The following WSCD1 variants were observed in gnomAD, a reference collection of about 807,000 sequenced individuals.
WSCD1 encodes the protein WSC domain sialate O sulfotransferase 1, also known as sialate:O-sulfotransferase 1.
WSCD1 carries 41 observed loss-of-function variants against 60.4 expected under a neutral mutation model. The observed-to-expected ratio is 0.68, with a 90% CI of 0.53 to 0.88. The LOEUF (loss-of-function observed/expected upper bound fraction) is 0.88. WSCD1 is among the 40% of genes least tolerant of loss of function. The pLI is 0.00. For missense variants in WSCD1, 784 were observed against 796.2 expected (o/e 0.98, Z 0.18); for synonymous variants, 361 against 332.5 (o/e 1.09, Z -0.93).
At position 6,118,607 on chromosome 17, in the gene WSCD1, A is replaced by T. The variant is rs151280906; in HGVS notation, c.1375+419A>T. On this transcript the variant is annotated intron_variant, in intron 8 of 8. Coordinates refer to ENST00000317744, the MANE Select transcript of WSCD1 (RefSeq NM_015253.2). The surrounding 1 kb of genome is among the most constrained non-coding windows in gnomAD (Gnocchi z 5.8). ...GTTCAGCACCAGGTTCCTCTTTTAT[A>T]GAATGAGACCTGCACCTTGTGGGGC... 2.2e-3 allele frequency among the ~76,000 whole-genome samples: 341 copies of T among 152,310 alleles called. 1 individual carries two copies. Among genetic ancestry groups the T allele is most frequent in the African/African-American group, 7.2e-3 (299 of 41,562 alleles).
In WSCD1 at chr17:6,081,042, C is replaced by T. The variant is rs571657073; in HGVS notation, c.384C>T (p.Pro128=). The change falls in exon 2 of 9, where the codon CCC becomes CCT. Residue 128 remains proline, a synonymous_variant. Coordinates refer to ENST00000317744, the MANE Select transcript of WSCD1 (RefSeq NM_015253.2). ...TCATGAGTGACTCCCAGGGACCGCC[C>T]GCCCTGGGCCCCGAGGCTGCCAGGC... ...HHFMSDSQGP[P]ALGPEAARPA... 1.5e-4 allele frequency: 230 copies of T among 1,541,460 alleles called. No individual in the cohort carries two copies. Among genetic ancestry groups the T allele is most frequent in the Middle Eastern group, 6.7e-4 (4 of 5,982 alleles).
In WSCD1 at chr17:6,116,639, A is replaced by T. The variant is rs934359147; in HGVS notation, c.1175-1349A>T. Reference sequence around the variant, plus strand: ...CATTTTCCAGCTGTTTGACAGAATGAATCAAAGCGAGGCCTTTTGGTATTT... The same window carrying T: ...CATTTTCCAGCTGTTTGACAGAATGTATCAAAGCGAGGCCTTTTGGTATTT... On this transcript the variant is annotated intron_variant, in intron 7 of 8. Transcript: ENST00000317744. 3.3e-5 allele frequency among the ~76,000 whole-genome samples: 5 copies of T among 152,252 alleles called. No homozygotes were observed. In the South Asian group the frequency reaches 8.3e-4, roughly 25 times the overall value.
intron 3 of WSCD1, among the ~76,000 whole-genome samples, chr17:6,088,875 T>C (rs1397877507): frequency 6.6e-6 from 1 of 151,324 alleles, no homozygotes; most frequent in Non-Finnish European, 1.5e-5. Flanking sequence ...CTCCACCTCC[T>C]GGGTTCACGC....
chr17:6,120,450 C>T lies in WSCD1; in HGVS notation c.1517C>T (p.Ala506Val), dbSNP rs1394803683. ...GTGCCCACGTTACGGGAGATGGTGG[C>T]CTTCCTCAACGTGTCTGTGAGCGAG... ...SLVPTLREMV[A>V]FLNVSVSEER... Residue 506 changes from alanine to valine, a missense_variant, in exon 9 of 9, where the codon GCC becomes GTC. By Grantham distance (64) the Ala-to-Val change is moderately conservative. Coordinates refer to ENST00000317744, the MANE Select transcript of WSCD1 (RefSeq NM_015253.2). 4 of 1,613,934 alleles carry T rather than the reference C, an allele frequency of 2.5e-6. No homozygotes were observed. Among genetic ancestry groups the T allele is most frequent in the Non-Finnish European group, 3.4e-6 (4 of 1,179,986 alleles).
intron 4 of WSCD1, 24 bp downstream of exon 4, chr17:6,090,529 A>T: frequency 6.2e-7 from 1 of 1,609,686 alleles, no homozygotes; most frequent in Non-Finnish European, 8.5e-7. Context: ...CCTCTTCCTG[A>T]GCTTTGTCCG....
intron 2 of WSCD1, among the ~76,000 whole-genome samples, chr17:6,086,099 G>T (rs1909619880): frequency 6.6e-6 from 1 of 151,724 alleles, no homozygotes; most frequent in Non-Finnish European, 1.5e-5. Flanking sequence ...CAGCCCTGGG[G>T]TTCTGTGGTC....
At chr17:6,120,024 G>A (rs1416166771) in intron 8 of WSCD1, among the ~76,000 whole-genome samples, 1 of 152,182 alleles carries the variant, frequency 6.6e-6, no homozygotes, top group Non-Finnish European at 1.5e-5. Context: ...ATGCGTATTT[G>A]CCCATCAGGC....
chr17:6,120,789 C>A lies in WSCD1; in HGVS notation c.*128C>A. The A allele has an allele frequency of 1.1e-6, 1 of 927,482 alleles. No homozygotes were observed. The highest frequency in any genetic ancestry group is 1.6e-6 in the Non-Finnish European group (1 of 630,594). The allele number at this position is 927,482 out of a possible 1,614,324, so 57.5% of individuals were successfully genotyped here. A position where few individuals can be genotyped will look rare whatever the true frequency, so the allele number is the denominator to read the frequency against. On this transcript the variant is annotated 3_prime_UTR_variant, in exon 9 of 9. Transcript: ENST00000317744. ...GGTGGGTGGGGGGCTCACCCTGGTGCTGCCTCCCGCACAAGGAGACCTGGA... is the reference window on the plus strand; with the variant it reads ...GGTGGGTGGGGGGCTCACCCTGGTGATGCCTCCCGCACAAGGAGACCTGGA...
At chr17:6,070,153 GGTGTGTGTGTGT>G (rs375644165), upstream of WSCD1, among the ~76,000 whole-genome samples, 1 of 142,234 alleles carries the variant, frequency 7.0e-6, no homozygotes, top group African/African-American at 2.6e-5. Context: ...CTGGGTGACT[GGTGTGTGTGTGT>G]GTGTGTGTGT....
chr17:6,107,128 T>A (rs1427109023), intron 5 of WSCD1, among the ~76,000 whole-genome samples: 1 of 152,210 alleles, frequency 6.6e-6, no homozygotes, highest in Non-Finnish European at 1.5e-5. Context: ...TGTCCTTGTG[T>A]GCTTGTCCCT....
At chr17:6,115,973 C>G (rs1911666127) in intron 7 of WSCD1, among the ~76,000 whole-genome samples, 1 of 152,174 alleles carries the variant, frequency 6.6e-6, no homozygotes, top group Non-Finnish European at 1.5e-5. Context: ...GAAGCAGAAA[C>G]TTCCCAAGCT....
chr17:6,069,813 G>GGT (rs143740158), upstream of WSCD1, among the ~76,000 whole-genome samples: 173 of 146,652 alleles, frequency 1.2e-3, 3 homozygotes, highest in East Asian at 0.026. Context: ...GTGCGTGTGT[G>GGT]GTGTGTGTGT....
At chr17:6,109,438 C>G (rs779705316) in intron 5 of WSCD1, among the ~76,000 whole-genome samples, 169 bp from the exon 6 acceptor site, 1 of 152,136 alleles carries the variant, frequency 6.6e-6, no homozygotes, top group African/African-American at 2.4e-5. Context: ...CTTTGTCTCC[C>G]CTGGAATTGG....
intron 3 of WSCD1, 138 bp from the exon 4 acceptor site, chr17:6,090,183 A>T (rs1909928825): frequency 1.1e-6 from 1 of 894,468 alleles, no homozygotes; most frequent in Non-Finnish European, 1.6e-6. Flanking sequence ...TGTACCCTAA[A>T]ACTTAAAGTA....
At chr17:6,073,500 T>G (rs1384507753) in intron 1 of WSCD1, among the ~76,000 whole-genome samples, 1 of 152,082 alleles carries the variant, frequency 6.6e-6, no homozygotes, top group Non-Finnish European at 1.5e-5. Flanking sequence ...CATGGTGGTG[T>G]GTGCCTGTAA....
chr17:6,121,267 T>C lies in WSCD1; in HGVS notation c.*606T>C, dbSNP rs1904683933. On this transcript the variant is annotated 3_prime_UTR_variant, in exon 9 of 9. Transcript: ENST00000317744. ...GTGTGTCTGACATCCCATAAATGTG[T>C]GTGTGGTGTGACTACGGGCACCACA... 1 of 152,708 alleles carries C rather than the reference T, an allele frequency of 6.5e-6. No individual in the cohort carries two copies. The highest frequency in any genetic ancestry group is 1.5e-5 in the Non-Finnish European group (1 of 68,532). The allele number at this position is 152,708 out of a possible 1,614,324, so 9.5% of individuals were successfully genotyped here.
At chr17:6,079,036 A>G (rs2150529656) in intron 1 of WSCD1, among the ~76,000 whole-genome samples, 1 of 152,284 alleles carries the variant, frequency 6.6e-6, no homozygotes, top group South Asian at 2.1e-4. Flanking sequence ...CCCCAGCCTA[A>G]AGGACCAGCC....
In WSCD1 at chr17:6,075,410, G is replaced by C. The variant is rs1432396653; in HGVS notation, c.-289+4758G>C. ...AGGGACTGCCTCCTCTCCTCTCCCT[G>C]CTGCCACCCCTCAGTCTCTGGACCC... On this transcript the variant is annotated intron_variant, in intron 1 of 8. Coordinates refer to ENST00000317744, the MANE Select transcript of WSCD1 (RefSeq NM_015253.2). The surrounding 1 kb of genome is among the most constrained non-coding windows in gnomAD (Gnocchi z 4.1). Among the ~76,000 whole-genome samples, 1 of 151,964 alleles carries C rather than the reference G, an allele frequency of 6.6e-6. No individual in the cohort carries two copies. Among genetic ancestry groups the C allele is most frequent in the Non-Finnish European group, 1.5e-5 (1 of 67,972 alleles).
chr17:6,121,042 C>T lies in WSCD1; in HGVS notation c.*381C>T, dbSNP rs1209094295. Reference sequence around the variant, plus strand: ...GCTCCTGGAGGCTGGCTGGCTGTCTCTCTCACACAGATACACGTGCGCTCC... The same window carrying T: ...GCTCCTGGAGGCTGGCTGGCTGTCTTTCTCACACAGATACACGTGCGCTCC... On this transcript the variant is annotated 3_prime_UTR_variant, in exon 9 of 9. Coordinates refer to ENST00000317744, the MANE Select transcript of WSCD1 (RefSeq NM_015253.2). 2 of 250,048 alleles carry T rather than the reference C, an allele frequency of 8.0e-6. No individual in the cohort carries two copies. The highest frequency in any genetic ancestry group is 1.0e-4 in the East Asian group (1 of 9,856). The allele number at this position is 250,048 out of a possible 1,614,324, so 15.5% of individuals were successfully genotyped here.
Sources: allele counts gnomAD v4.1 joint callset (sites outside exome capture counted in the v4.1 genomes callset), GRCh38; gene constraint gnomAD v4.1.1; non-coding constraint Gnocchi (gnomAD v3.1); transcripts MANE v1.5; gene names NCBI Gene and HGNC (gene_info 2026-07-23, HGNC 2026-07-21).